The following HPSE2 variants were observed in gnomAD, a reference collection of about 807,000 sequenced individuals.
The protein encoded by HPSE2 is heparanase 2 (inactive), also known as inactive heparanase-2.
In HPSE2, 38 loss-of-function variants were observed where a neutral mutation model predicts 60.5. The observed-to-expected ratio is 0.63, with a 90% CI of 0.48 to 0.82. The LOEUF (loss-of-function observed/expected upper bound fraction) is 0.82, where lower values mean the gene tolerates loss of function less well. Ranked by LOEUF, HPSE2 falls within the 40% of genes least tolerant of loss-of-function variation. The pLI is 0.00. For missense variants in HPSE2, 713 were observed against 740.4 expected, an observed-to-expected ratio of 0.96 and a Z score of 0.43; for synonymous variants, 295 against 293.2, an observed-to-expected ratio of 1.01 and a Z score of -0.06.
At chr10:99,041,011 T>C (rs574807346) in intron 3 of HPSE2, among the ~76,000 whole-genome samples, 1 of 150,936 alleles carries the variant, frequency 6.6e-6, no homozygotes, top group South Asian at 2.1e-4. Context: ...GGCATGAACC[T>C]GGGAGGCGGA....
chr10:98,766,945 A>G (rs1950132833), intron 3 of HPSE2, among the ~76,000 whole-genome samples: 1 of 152,074 alleles, frequency 6.6e-6, no homozygotes, highest in African/African-American at 2.4e-5. Flanking sequence ...AACAAAACAA[A>G]AAAAACCCCA....
chr10:99,164,227 T>TTA (rs60497589), intron 2 of HPSE2, among the ~76,000 whole-genome samples: 5 of 34,036 alleles, frequency 1.5e-4, no homozygotes, highest in Non-Finnish European at 2.5e-4. Context: ...TATTCAAGCA[T>TTA]TATATATATA....
chr10:99,069,355 T>C (rs563349414), intron 3 of HPSE2, among the ~76,000 whole-genome samples: 3 of 152,048 alleles, frequency 2.0e-5, no homozygotes, highest in South Asian at 2.1e-4. Context: ...TAAGGTAACA[T>C]AGTAGGACGT....
At chr10:98,596,417 TATTTAC>T (rs1268223780) in intron 9 of HPSE2, among the ~76,000 whole-genome samples, 2 of 152,144 alleles carry the variant, frequency 1.3e-5, no homozygotes, top group Non-Finnish European at 2.9e-5. Flanking sequence ...CTTGACTCTA[TATTTAC>T]TTTTACCAGT....
intron 9 of HPSE2, among the ~76,000 whole-genome samples, chr10:98,596,455 C>T (rs553414758): frequency 1.1e-4 from 15 of 138,564 alleles, no homozygotes; most frequent in African/African-American, 3.5e-4. Context: ...TATGTTTTCA[C>T]GTTACTAATT....
intron 2 of HPSE2, 50 bp downstream of exon 2, chr10:99,232,298 G>T (rs1849680389): frequency 6.5e-7 from 1 of 1,536,764 alleles, no homozygotes. Context: ...CAAACACAGC[G>T]GGTGCTTGCT....
At chr10:98,991,557 T>C (rs1956524873) in intron 3 of HPSE2, among the ~76,000 whole-genome samples, 1 of 152,154 alleles carries the variant, frequency 6.6e-6, no homozygotes, top group South Asian at 2.1e-4. Context: ...GCCTTGTAAG[T>C]CACTGCAAGA....
chr10:98,844,892 T>C (rs531291580), intron 3 of HPSE2, among the ~76,000 whole-genome samples: 1 of 152,276 alleles, frequency 6.6e-6, no homozygotes, highest in East Asian at 1.9e-4. Flanking sequence ...GGTATTCTGA[T>C]TGAAAATCCC....
intron 5 of HPSE2, among the ~76,000 whole-genome samples, chr10:98,703,966 G>A (rs1948479193): frequency 6.6e-6 from 1 of 152,120 alleles, no homozygotes; most frequent in Non-Finnish European, 1.5e-5. Context: ...AGGAAGAGAG[G>A]AAGTCAAGTA....
chr10:98,651,172 T>C (rs1047060279), intron 6 of HPSE2, among the ~76,000 whole-genome samples: 8 of 152,198 alleles, frequency 5.3e-5, no homozygotes, highest in African/African-American at 1.4e-4. Flanking sequence ...TTTATGACAA[T>C]TGTCACTTCT....
intron 3 of HPSE2, among the ~76,000 whole-genome samples, chr10:98,964,929 C>T (rs975832044): frequency 5.3e-5 from 8 of 152,112 alleles, no homozygotes; most frequent in Non-Finnish European, 1.2e-4. Flanking sequence ...TTATCCATAA[C>T]ATTTAATCCT....
intron 2 of HPSE2, among the ~76,000 whole-genome samples, chr10:99,168,957 G>C (rs943014511): frequency 6.6e-6 from 1 of 151,798 alleles, no homozygotes; most frequent in Non-Finnish European, 1.5e-5. Context: ...CACTTTGGGA[G>C]GCCAAGGCGG....
chr10:99,261,149 A>G, the HPSE2 span, among the ~76,000 whole-genome samples: 2 of 151,932 alleles, frequency 1.3e-5, no homozygotes, highest in Non-Finnish European at 2.9e-5. Flanking sequence ...TTCATCCCAC[A>G]TCTTTCTTCT....
chr10:99,089,251 C>T (rs1374212119), intron 3 of HPSE2, among the ~76,000 whole-genome samples: 1 of 152,200 alleles, frequency 6.6e-6, no homozygotes, highest in African/African-American at 2.4e-5. Flanking sequence ...TTTGCATAAG[C>T]CAATGTCTAG....
chr10:98,949,290 T>C (rs1955285282), intron 3 of HPSE2, among the ~76,000 whole-genome samples: 1 of 151,572 alleles, frequency 6.6e-6, no homozygotes, highest in South Asian at 2.1e-4. Context: ...TCTAACCAGG[T>C]AGTTTACTTG....
intron 3 of HPSE2, among the ~76,000 whole-genome samples, chr10:98,968,327 C>G (rs983796497): frequency 1.3e-5 from 2 of 151,922 alleles, no homozygotes; most frequent in Non-Finnish European, 2.9e-5. Context: ...CCAAGAATGG[C>G]CATAATTTAA....
intron 6 of HPSE2, among the ~76,000 whole-genome samples, chr10:98,682,270 C>A (rs1947806233): frequency 6.6e-6 from 1 of 152,206 alleles, no homozygotes; most frequent in Admixed American, 6.5e-5. Context: ...ACTTTGCTTT[C>A]CACCATGAGT....
chr10:98,722,830 T>A (rs925675243), intron 4 of HPSE2, among the ~76,000 whole-genome samples: 1 of 152,102 alleles, frequency 6.6e-6, no homozygotes, highest in Non-Finnish European at 1.5e-5. Flanking sequence ...GAAATAAACC[T>A]GTAGACTTGC....
chr10:98,639,850 C>A (rs1199404527), intron 7 of HPSE2, among the ~76,000 whole-genome samples: 1 of 152,180 alleles, frequency 6.6e-6, no homozygotes, highest in Non-Finnish European at 1.5e-5. Flanking sequence ...AGAACTGAAT[C>A]ATTTTACTTC....
Sources: allele counts gnomAD v4.1 joint callset (sites outside exome capture counted in the v4.1 genomes callset), GRCh38; gene constraint gnomAD v4.1.1; transcripts MANE v1.5; gene names NCBI Gene and HGNC (gene_info 2026-07-23, HGNC 2026-07-21).